TMEM135: variants seen among roughly 807,000 people sequenced by gnomAD.
The protein encoded by TMEM135 is peroxisomal membrane protein 52.
A neutral mutation model predicts 60.3 loss-of-function variants in TMEM135; 30 were observed. The observed-to-expected ratio is 0.50, with a 90% CI of 0.37 to 0.68. TMEM135 has a LOEUF of 0.68. Ranked by LOEUF, TMEM135 falls within the 30% of genes least tolerant of loss-of-function variation. The pLI is 0.00. For synonymous variants in TMEM135, 190 were observed against 186.7 expected (o/e 1.02, Z -0.14); for missense variants, 468 against 548.8 (o/e 0.85, Z 1.47).
chr11:87,318,796 A>C (rs142586466), intron 13 of TMEM135, among the ~76,000 whole-genome samples: 1 of 152,128 alleles, frequency 6.6e-6, no homozygotes, highest in Non-Finnish European at 1.5e-5. Flanking sequence ...AAAACTAATG[A>C]AGTATCAATA....
chr11:87,258,875 G>T, intron 6 of TMEM135: 1 of 892,634 alleles, frequency 1.1e-6, no homozygotes. Context: ...AGTGAAGGAA[G>T]AGCCCCTTGC....
rs550645978 is a variant in TMEM135, at chr11:87,140,088, G to A, written c.397-17253G>A. On this transcript the variant is annotated intron_variant, in intron 4 of 14. Transcript: ENST00000305494. ...TTTCTTTCTTTTTTTTTGTGTTTGA[G>A]ATGGAGCCTCACTCTGTCGCCCAGG... Among the ~76,000 whole-genome samples the A allele has an allele frequency of 1.3e-4, 20 of 151,608 alleles. No homozygotes were observed. In the South Asian group the frequency reaches 4.2e-3, roughly 32 times the overall value.
intron 9 of TMEM135, among the ~76,000 whole-genome samples, chr11:87,306,414 T>G (rs545703855): frequency 6.6e-6 from 1 of 152,370 alleles, no homozygotes; most frequent in African/African-American, 2.4e-5. Flanking sequence ...ATACACTGTA[T>G]GCACTGTGCC....
At chr11:87,142,831 C>G (rs1445821115) in intron 4 of TMEM135, among the ~76,000 whole-genome samples, 1 of 151,202 alleles carries the variant, frequency 6.6e-6, no homozygotes, top group Non-Finnish European at 1.5e-5. Flanking sequence ...TCTCTTCCTT[C>G]TCCTTTCTTC....
At chr11:87,187,731 T>C (rs1591087734) in intron 5 of TMEM135, among the ~76,000 whole-genome samples, 1 of 152,198 alleles carries the variant, frequency 6.6e-6, no homozygotes, top group Non-Finnish European at 1.5e-5. Flanking sequence ...ATCTTAAAGA[T>C]TGGAACATTT....
At chr11:87,317,196 A>C (rs1389454196) in intron 12 of TMEM135, among the ~76,000 whole-genome samples, 2 of 152,056 alleles carry the variant, frequency 1.3e-5, no homozygotes, top group African/African-American at 2.4e-5. Flanking sequence ...TTATTAAATG[A>C]ATTTTATAAT....
intron 5 of TMEM135, among the ~76,000 whole-genome samples, chr11:87,178,745 T>C (rs1363348939): frequency 6.6e-6 from 1 of 152,128 alleles, no homozygotes; most frequent in African/African-American, 2.4e-5. Flanking sequence ...TTTTTGAGGT[T>C]CATTCATATC....
chr11:87,318,928 G>C (rs554129321), intron 13 of TMEM135: 12 of 162,088 alleles, frequency 7.4e-5, no homozygotes, highest in African/African-American at 2.9e-4. Context: ...GAGTGCAATG[G>C]CATGATCTCA....
At chr11:87,182,439 A>C (rs1169246052) in intron 5 of TMEM135, among the ~76,000 whole-genome samples, 2 of 152,134 alleles carry the variant, frequency 1.3e-5, no homozygotes, top group Admixed American at 6.5e-5. Context: ...AAATGGTAGC[A>C]CCTTGACTAA....
chr11:87,278,738 A>G (rs1250574776), intron 6 of TMEM135, among the ~76,000 whole-genome samples: 1 of 152,138 alleles, frequency 6.6e-6, no homozygotes, highest in Non-Finnish European at 1.5e-5. Context: ...TGAAGAGTAT[A>G]CTCTATGAGT....
At chr11:87,173,879 G>A (rs1434595509) in intron 5 of TMEM135, among the ~76,000 whole-genome samples, 4 of 152,078 alleles carry the variant, frequency 2.6e-5, no homozygotes, top group Admixed American at 1.3e-4. Flanking sequence ...TTGCCAGTGC[G>A]CTCTGCTGTC....
At chr11:87,090,131 C>T (rs529566544) in intron 3 of TMEM135, among the ~76,000 whole-genome samples, 89 of 152,208 alleles carry the variant, frequency 5.8e-4, no homozygotes, top group South Asian at 2.3e-3. Flanking sequence ...GTGTATGGCA[C>T]TGTGGGTCCT....
intron 4 of TMEM135, among the ~76,000 whole-genome samples, chr11:87,144,985 A>G (rs1317299508): frequency 6.6e-6 from 1 of 152,138 alleles, no homozygotes; most frequent in Non-Finnish European, 1.5e-5. Flanking sequence ...CTCTGTTAGC[A>G]ATTTGGAAAT....
At chr11:87,170,364 A>C (rs1425976304) in intron 5 of TMEM135, among the ~76,000 whole-genome samples, 3 of 152,014 alleles carry the variant, frequency 2.0e-5, no homozygotes, top group Admixed American at 2.0e-4. Context: ...GAGAAGAGGC[A>C]TTCTGGTTTT....
chr11:87,271,477 C>T (rs1419546229), intron 6 of TMEM135, among the ~76,000 whole-genome samples: 1 of 152,054 alleles, frequency 6.6e-6, no homozygotes, highest in Non-Finnish European at 1.5e-5. Context: ...CTATTGAGCC[C>T]TTGAAATGTG....
chr11:87,314,677 G>A (rs778115622), intron 12 of TMEM135, 130 bp downstream of exon 12: 6 of 721,082 alleles, frequency 8.3e-6, no homozygotes, highest in Middle Eastern at 5.6e-4. Context: ...TTGCAAAGTT[G>A]ATTCCCCTGT....
At chr11:87,288,102 CCA>C (rs1942201841) in intron 6 of TMEM135, among the ~76,000 whole-genome samples, 1 of 152,086 alleles carries the variant, frequency 6.6e-6, no homozygotes, top group Non-Finnish European at 1.5e-5. Flanking sequence ...AGTCCACTAC[CCA>C]CAGTTTGGTT....
At chr11:87,218,708 TC>T (rs1378142433) in intron 5 of TMEM135, among the ~76,000 whole-genome samples, 1 of 152,146 alleles carries the variant, frequency 6.6e-6, no homozygotes, top group Non-Finnish European at 1.5e-5. Context: ...ATGCCTGTAA[TC>T]CCAGCACTTT....
At chr11:87,223,672 C>CAA in intron 5 of TMEM135, among the ~76,000 whole-genome samples, 1 of 147,902 alleles carries the variant, frequency 6.8e-6, no homozygotes, top group Admixed American at 6.7e-5. Context: ...TGCACGCACA[C>CAA]ACACACACAC....
Sources: gnomAD v4.1 joint callset for allele counts (sites outside exome capture counted in the v4.1 genomes callset) on GRCh38, gnomAD v4.1.1 for gene constraint, MANE v1.5 for transcripts, NCBI Gene and HGNC (gene_info 2026-07-23, HGNC 2026-07-21) for gene names.